GRIK4: variants seen among roughly 807,000 people sequenced by gnomAD.
GRIK4 encodes glutamate receptor ionotropic, kainate 4.
A neutral mutation model predicts 104.9 loss-of-function variants in GRIK4; 40 were observed. That is an observed-to-expected ratio of 0.38 (90% CI 0.30 to 0.50). The LOEUF (loss-of-function observed/expected upper bound fraction) is 0.50, where lower values mean the gene tolerates loss of function less well. Ranked by LOEUF, GRIK4 falls within the 20% of genes least tolerant of loss-of-function variation. The pLI, the probability that GRIK4 is intolerant of heterozygous loss-of-function variation, is 0.93. For synonymous variants in GRIK4, 485 were observed against 524.9 expected, an observed-to-expected ratio of 0.92 and a Z score of 1.04; for missense variants, 1,047 against 1,308.1, an observed-to-expected ratio of 0.80 and a Z score of 3.08.
chr11:120,644,305 G>T (rs1403218710), intron 1 of GRIK4, among the ~76,000 whole-genome samples: 1 of 151,888 alleles, frequency 6.6e-6, no homozygotes, highest in African/African-American at 2.4e-5. Flanking sequence ...CAGCAGAGCT[G>T]TTTGCTTCCA....
chr11:120,861,152 AGGCTGG>A (rs1954254443), intron 8 of GRIK4, among the ~76,000 whole-genome samples: 1 of 119,572 alleles, frequency 8.4e-6, no homozygotes, highest in African/African-American at 3.3e-5. Flanking sequence ...CTTCTTGCCC[AGGCTGG>A]AGTGCAATGG....
intron 3 of GRIK4, among the ~76,000 whole-genome samples, chr11:120,766,457 T>C (rs1951842019): frequency 6.6e-6 from 1 of 151,876 alleles, no homozygotes; most frequent in African/African-American, 2.4e-5. Flanking sequence ...TTCAGGGGAG[T>C]GTACGGTTCT....
In GRIK4 at chr11:120,986,004, G is replaced by C. The variant is rs998404108; in HGVS notation, c.2615G>C (p.Arg872Pro). Residue 872 changes from arginine (R) to proline (P), a missense_variant, in exon 21 of 21, where the codon CGG (arginine) becomes CCG (proline). By Grantham distance (103) the Arg-to-Pro change is moderately radical (BLOSUM62 -2). Transcript: ENST00000527524. ...RRRRAAVPPP[R>P]PPIPEERRPR... The stretch of plus-strand genomic sequence containing the variant: ...CGGCGCGCCGCAGTCCCGCCGCCCC[G>C]GCCCCCCATCCCCGAGGAGCGCCGA... The C allele has an allele frequency of 6.5e-7, 1 of 1,530,018 alleles. No individual in the cohort carries two copies. Among genetic ancestry groups the C allele is most frequent in the Non-Finnish European group, 8.8e-7 (1 of 1,139,170 alleles). 94.8% of individuals were successfully genotyped at this position (1,530,018 alleles called of 1,614,324 possible). A position where few individuals can be genotyped will look rare whatever the true frequency, so the allele number is the denominator to read the frequency against.
At chr11:120,573,546 G>T (rs1332303683) in intron 1 of GRIK4, among the ~76,000 whole-genome samples, 1 of 152,158 alleles carries the variant, frequency 6.6e-6, no homozygotes, top group Non-Finnish European at 1.5e-5. Context: ...GCTCAAATTT[G>T]TCTCACTGGG....
intron 8 of GRIK4, among the ~76,000 whole-genome samples, chr11:120,853,780 G>A (rs959733017): frequency 3.9e-5 from 6 of 152,300 alleles, no homozygotes; most frequent in South Asian, 2.1e-4. Context: ...AATTAGAATC[G>A]TTTAGTGTTT....
chr11:120,541,701 T>C (rs1039328693), intron 1 of GRIK4, among the ~76,000 whole-genome samples: 5 of 152,068 alleles, frequency 3.3e-5, no homozygotes, highest in Non-Finnish European at 5.9e-5. Context: ...CCATGTTGCT[T>C]AGGCTGGTCT....
chr11:120,814,080 C>T (rs574097917), intron 4 of GRIK4, among the ~76,000 whole-genome samples: 1 of 152,324 alleles, frequency 6.6e-6, no homozygotes, highest in African/African-American at 2.4e-5. Context: ...GACATTCACA[C>T]AGCAAATCTG....
chr11:120,718,794 C>G (rs951478730), intron 3 of GRIK4, among the ~76,000 whole-genome samples: 5 of 152,242 alleles, frequency 3.3e-5, no homozygotes, highest in Admixed American at 6.5e-5. Context: ...CCTGCCTTGA[C>G]TTAGCCTGGG....
At chr11:120,590,345 A>G (rs540254683) in intron 1 of GRIK4, among the ~76,000 whole-genome samples, 1 of 152,272 alleles carries the variant, frequency 6.6e-6, no homozygotes, top group South Asian at 2.1e-4. Context: ...CCTCCCAGCC[A>G]CAGGCTTTGT....
chr11:120,815,757 G>A (rs1375536850), intron 5 of GRIK4, among the ~76,000 whole-genome samples: 1 of 152,186 alleles, frequency 6.6e-6, no homozygotes, highest in Non-Finnish European at 1.5e-5. Context: ...CTTGGTGGTG[G>A]TGGGTAGAGG....
rs114154862 is a variant in GRIK4, at chr11:120,902,730, G to A, written c.1273-2560G>A. Among the ~76,000 whole-genome samples the A allele has an allele frequency of 1.4e-3, 214 of 152,262 alleles. 1 individual carries two copies. Among genetic ancestry groups the A allele is most frequent in the African/African-American group, 4.9e-3 (205 of 41,546 alleles). On this transcript the variant is annotated intron_variant, in intron 12 of 20. Transcript: ENST00000527524. The surrounding 1 kb of genome is among the most constrained non-coding windows in gnomAD (Gnocchi z 4.5). ...GTGTGGGCCCTGGCATGAGAGCAGG[G>A]GAGTTCTGAGACATGGGTTGGCACA...
At chr11:120,617,619 G>C (rs1949132964) in intron 1 of GRIK4, among the ~76,000 whole-genome samples, 1 of 152,150 alleles carries the variant, frequency 6.6e-6, no homozygotes, top group Non-Finnish European at 1.5e-5. Context: ...TTGGATCATA[G>C]AGGTGGATTT....
chr11:120,540,674 A>G (rs1948024216), intron 1 of GRIK4, among the ~76,000 whole-genome samples: 1 of 152,154 alleles, frequency 6.6e-6, no homozygotes, highest in Non-Finnish European at 1.5e-5. Context: ...AATGAGGCTC[A>G]CTAACACCCA....
chr11:120,899,267 A>G (rs1942667388), intron 12 of GRIK4, among the ~76,000 whole-genome samples: 1 of 151,978 alleles, frequency 6.6e-6, no homozygotes, highest in Non-Finnish European at 1.5e-5. Flanking sequence ...AAAAAAATAG[A>G]AAAATTAGCT....
At chr11:120,692,270 A>G (rs1306775918) in intron 3 of GRIK4, among the ~76,000 whole-genome samples, 1 of 152,242 alleles carries the variant, frequency 6.6e-6, no homozygotes, top group Non-Finnish European at 1.5e-5. Context: ...GGGCATACTC[A>G]GCACCAGGAA....
intron 14 of GRIK4, among the ~76,000 whole-genome samples, chr11:120,945,907 C>A (rs1038161014): frequency 6.6e-6 from 1 of 152,376 alleles, no homozygotes; most frequent in South Asian, 2.1e-4. Context: ...AGCCTTTAGC[C>A]TTTGTTGTCC....
chr11:120,568,179 AAAAC>A (rs111560643), intron 1 of GRIK4, among the ~76,000 whole-genome samples: 73 of 152,276 alleles, frequency 4.8e-4, no homozygotes, highest in African/African-American at 1.6e-3. Flanking sequence ...CCTTGCCTCA[AAAAC>A]AAACAAACAA....
At chr11:120,971,157 G>A (rs1371012674) in intron 19 of GRIK4, among the ~76,000 whole-genome samples, 1 of 152,112 alleles carries the variant, frequency 6.6e-6, no homozygotes, top group Admixed American at 6.5e-5. Flanking sequence ...CCCAAGCTGC[G>A]AATGTGCCCA....
At chr11:120,739,662 A>T (rs78092979) in intron 3 of GRIK4, among the ~76,000 whole-genome samples, 5,168 of 152,278 alleles carry the variant, frequency 0.034, 314 homozygotes, top group African/African-American at 0.12. Flanking sequence ...TTCAACATAT[A>T]CCTATCAGAG....
Sources: gnomAD v4.1 joint callset for allele counts (sites outside exome capture counted in the v4.1 genomes callset) on GRCh38, gnomAD v4.1.1 for gene constraint, Gnocchi (gnomAD v3.1) non-coding constraint, MANE v1.5 for transcripts, NCBI Gene and HGNC (gene_info 2026-07-23, HGNC 2026-07-21) for gene names.